CACNA1E: variants seen among roughly 807,000 people sequenced by gnomAD.
The protein encoded by CACNA1E is calcium voltage-gated channel subunit alpha1 E.
Under a neutral mutation model 259.2 loss-of-function variants are expected in CACNA1E, and 40 were observed. That is an observed-to-expected ratio of 0.15 (90% confidence interval 0.12 to 0.20). The LOEUF (loss-of-function observed/expected upper bound fraction) is 0.20, where lower values mean the gene tolerates loss of function less well. Among genes scored for constraint, CACNA1E ranks in the 10% least tolerant of loss-of-function variants. CACNA1E has a pLI of 1.00. For synonymous variants in CACNA1E, 1,104 were observed against 1,138.5 expected (o/e 0.97, Z 0.61); for missense variants, 1,874 against 3,040.1 (o/e 0.62, Z 9.02).
chr1:181,690,013 C>T (rs1322976255), intron 7 of CACNA1E, among the ~76,000 whole-genome samples: 1 of 152,114 alleles, frequency 6.6e-6, no homozygotes, highest in East Asian at 1.9e-4. Flanking sequence ...GCTTTTGTTG[C>T]CATTGCTTTT....
chr1:181,483,573 G>A lies in CACNA1E; in HGVS notation c.-172G>A, dbSNP rs1481324468. 2 of 445,320 alleles carry A rather than the reference G, an allele frequency of 4.5e-6. No homozygotes were observed. Among genetic ancestry groups the A allele is most frequent in the African/African-American group, 2.0e-5 (1 of 49,048 alleles). The allele number at this position is 445,320 out of a possible 1,614,324, so 27.6% of individuals were successfully genotyped here. A position where few individuals can be genotyped will look rare whatever the true frequency, so the allele number is the denominator to read the frequency against. On this transcript the variant is annotated 5_prime_UTR_variant, in exon 1 of 48. Transcript: ENST00000367573. ...CATTTAGATTCAACAGTTCACAGCG[G>A]CGGGCTGCTGCTGCTGCCTCTCCGA...
chr1:181,523,537 G>T (rs564545965), intron 3 of CACNA1E, among the ~76,000 whole-genome samples: 1 of 152,170 alleles, frequency 6.6e-6, no homozygotes, highest in Non-Finnish European at 1.5e-5. Flanking sequence ...TAGTACTGTG[G>T]TTGTGGGCAA....
At chr1:181,674,575 T>C (rs3766980) in intron 7 of CACNA1E, among the ~76,000 whole-genome samples, 84,692 of 151,904 alleles carry the variant, frequency 0.56, 24,130 homozygotes, top group East Asian at 0.75. Context: ...CCCCCTAATA[T>C]GGACCAGGCC....
At chr1:181,349,640 T>G (rs867202841) in intron 1 of CACNA1E, among the ~76,000 whole-genome samples, 1 of 152,012 alleles carries the variant, frequency 6.6e-6, no homozygotes, top group Non-Finnish European at 1.5e-5. Flanking sequence ...CCTGAGTTAC[T>G]GAGACAGGCC....
At chr1:181,784,472 A>C (rs1660694860) in intron 40 of CACNA1E, among the ~76,000 whole-genome samples, 189 bp from the exon 41 acceptor site, 1 of 152,186 alleles carries the variant, frequency 6.6e-6, no homozygotes, top group Non-Finnish European at 1.5e-5. Context: ...TCACTGAAAA[A>C]GGGAGCCAAA....
At position 181,796,864 on chromosome 1, in the gene CACNA1E, C is replaced by G. The variant is rs368933098; in HGVS notation, c.6399+6C>G. ...CACAGACGCCCAACAGACAGGTGAG[C>G]GCAGAGAGGAAGCCAGTCTACAGCA... is the stretch of plus-strand genomic sequence containing the variant. On this transcript the variant is annotated splice_donor_region_variant and intron_variant, in intron 47 of 47. Coordinates refer to ENST00000367573, the MANE Select transcript of CACNA1E (RefSeq NM_001205293.3). 6.3e-7 allele frequency: 1 copy of G among 1,576,440 alleles called. No individual in the cohort carries two copies. The highest frequency in any genetic ancestry group is 1.4e-5 in the African/African-American group (1 of 74,012).
chr1:181,674,627 G>A (rs1430356108), intron 7 of CACNA1E, among the ~76,000 whole-genome samples: 4 of 152,146 alleles, frequency 2.6e-5, no homozygotes, highest in Admixed American at 2.6e-4. Context: ...GAATTCCCAT[G>A]TTTTCTGGGC....
intron 35 of CACNA1E, among the ~76,000 whole-genome samples, chr1:181,768,834 TTTC>T (rs1384548839): frequency 1.3e-5 from 2 of 152,164 alleles, no homozygotes; most frequent in African/African-American, 4.8e-5. Context: ...AGAGAGACTG[TTTC>T]TAATATAGTC....
intron 2 of CACNA1E, among the ~76,000 whole-genome samples, chr1:181,510,799 G>T (rs1666100239): frequency 6.6e-6 from 1 of 152,218 alleles, no homozygotes; most frequent in South Asian, 2.1e-4. Flanking sequence ...CAGGGAAGAA[G>T]AAAGGGCAGG....
intron 2 of CACNA1E, among the ~76,000 whole-genome samples, chr1:181,423,050 C>T (rs1658871168): frequency 6.6e-6 from 1 of 152,210 alleles, no homozygotes; most frequent in African/African-American, 2.4e-5. Context: ...CTACCTTAGC[C>T]AACCCCTATA....
At chr1:181,666,192 C>T (rs1558243619) in intron 7 of CACNA1E, among the ~76,000 whole-genome samples, 1 of 152,124 alleles carries the variant, frequency 6.6e-6, no homozygotes. Context: ...TCTTTACAAA[C>T]CAGACATTTA....
intron 1 of CACNA1E, among the ~76,000 whole-genome samples, chr1:181,401,729 T>G (rs1657114919): frequency 6.6e-6 from 1 of 152,218 alleles, no homozygotes; most frequent in Non-Finnish European, 1.5e-5. Context: ...CGGATTTTTA[T>G]GTAGGAAACA....
chr1:181,491,831 A>G (rs972509898), intron 1 of CACNA1E, among the ~76,000 whole-genome samples: 1 of 152,262 alleles, frequency 6.6e-6, no homozygotes, highest in Non-Finnish European at 1.5e-5. Context: ...CATGGTGAGC[A>G]TTCAGTAAAC....
At chr1:181,362,711 G>A (rs758959938) in intron 1 of CACNA1E, among the ~76,000 whole-genome samples, 11 of 152,220 alleles carry the variant, frequency 7.2e-5, no homozygotes, top group Non-Finnish European at 1.6e-4. Flanking sequence ...GGGACCTCAT[G>A]TCAGTAGGAA....
exon 1 of CACNA1E, chr1:181,317,809 T>C (rs1228480673): frequency 3.3e-5 from 5 of 152,220 alleles, no homozygotes; most frequent in Admixed American, 6.5e-5. Flanking sequence ...GTGGTGGGCA[T>C]GTATGCGAGT....
At chr1:181,598,434 C>T (rs1174758106) in intron 6 of CACNA1E, among the ~76,000 whole-genome samples, 2 of 152,046 alleles carry the variant, frequency 1.3e-5, no homozygotes, top group Non-Finnish European at 2.9e-5. Context: ...TAGAATTTCA[C>T]CAGGGGGAGA....
chr1:181,415,973 A>G (rs1658239192), intron 2 of CACNA1E, among the ~76,000 whole-genome samples: 1 of 152,182 alleles, frequency 6.6e-6, no homozygotes, highest in African/African-American at 2.4e-5. Context: ...GAAGCTTTTT[A>G]TTGCATGTCA....
At chr1:181,325,987 G>A (rs1390664120) in intron 1 of CACNA1E, among the ~76,000 whole-genome samples, 1 of 152,132 alleles carries the variant, frequency 6.6e-6, no homozygotes, top group Non-Finnish European at 1.5e-5. Flanking sequence ...GCGTGCACTG[G>A]CCACACATCC....
chr1:181,514,728 G>T (rs1666432732), intron 3 of CACNA1E, among the ~76,000 whole-genome samples: 1 of 152,160 alleles, frequency 6.6e-6, no homozygotes, highest in Non-Finnish European at 1.5e-5. Flanking sequence ...GGAAGTGGGT[G>T]CTGAGGTGTC....
Sources: allele counts gnomAD v4.1 joint callset (sites outside exome capture counted in the v4.1 genomes callset), GRCh38; gene constraint gnomAD v4.1.1; transcripts MANE v1.5; gene names NCBI Gene and HGNC (gene_info 2026-07-23, HGNC 2026-07-21).